PGAP1: variants seen among roughly 807,000 people sequenced by gnomAD.
The protein encoded by PGAP1 is GPI inositol-deacylase.
In PGAP1, 76 loss-of-function variants were observed where a neutral mutation model predicts 127.0. The ratio of observed to expected loss-of-function variants is 0.60; its 90% CI spans 0.50 to 0.72. The LOEUF (loss-of-function observed/expected upper bound fraction) is 0.72. Among genes scored for constraint, PGAP1 ranks in the 30% least tolerant of loss-of-function variants. PGAP1 has a pLI of 0.00. For synonymous variants in PGAP1, 362 were observed against 366.5 expected (o/e 0.99, Z 0.14); for missense variants, 982 against 1,071.3 (o/e 0.92, Z 1.16).
chr2:196,912,803 T>C, intron 4 of PGAP1, 79 bp downstream of exon 4: 4 of 1,350,842 alleles, frequency 3.0e-6, no homozygotes, highest in Non-Finnish European at 4.0e-6. Context: ...AGCATACTCC[T>C]AGGGGAATAG....
chr2:196,865,107 A>G, intron 19 of PGAP1, 27 bp from the exon 20 acceptor site: 1 of 1,244,334 alleles, frequency 8.0e-7, no homozygotes, highest in East Asian at 2.5e-5. Flanking sequence ...TCAATGGGCA[A>G]CTCCTGAATA....
intron 5 of PGAP1, 150 bp from the exon 6 acceptor site, chr2:196,898,519 AG>A (rs1253058099): frequency 5.5e-6 from 3 of 542,912 alleles, no homozygotes; most frequent in Non-Finnish European, 9.8e-6. Flanking sequence ...TTCTTATAAA[AG>A]GTGATCCAAA....
chr2:196,917,885 T>C (rs1385468415), intron 2 of PGAP1, among the ~76,000 whole-genome samples: 1 of 152,152 alleles, frequency 6.6e-6, no homozygotes, highest in Non-Finnish European at 1.5e-5. Flanking sequence ...GAGAGCTCTA[T>C]GTTCAATATT....
At chr2:196,909,932 C>G (rs1702780938) in intron 4 of PGAP1, among the ~76,000 whole-genome samples, 1 of 3,132 alleles carries the variant, frequency 3.2e-4, no homozygotes, top group Non-Finnish European at 4.8e-4. Flanking sequence ...GAACTACAAA[C>G]CACTGCTCAA....
rs140027910 is a variant in PGAP1, at chr2:196,862,843, G to A, written c.1861+2144C>T. ...TGAGGCAGGAGAATCTCTTGAACCCGGGAGGTGGAGGTTGTGGTGAGCTGA... is the reference window on the plus strand; with the variant it reads ...TGAGGCAGGAGAATCTCTTGAACCCAGGAGGTGGAGGTTGTGGTGAGCTGA... On this transcript the variant is annotated intron_variant, in intron 20 of 26. Transcript: ENST00000354764. Among the ~76,000 whole-genome samples the A allele has an allele frequency of 5.3e-5, 8 of 152,236 alleles. 1 individual carries two copies. The highest frequency in any genetic ancestry group is 1.2e-4 in the African/African-American group (5 of 41,544).
In PGAP1 at chr2:196,841,333, C is replaced by A. The variant is rs1700406542; in HGVS notation, c.2670G>T (p.Leu890=). The change falls in exon 27 of 27, where the codon CTG becomes CTT. Residue 890 remains leucine (L), a synonymous_variant. Coordinates refer to ENST00000354764, the MANE Select transcript of PGAP1 (RefSeq NM_024989.4). ...ACCCAAAAGCAATCACACCAACAGC[C>A]AGAGGAAGTGGAAATTGTGAAGTAG... The part of the protein sequence containing the change: ...LKTTSQFPLP[L]AVGVIAFGSA... 2 of 1,613,556 alleles carry A rather than the reference C, an allele frequency of 1.2e-6. No individual in the cohort carries two copies. Among genetic ancestry groups the A allele is most frequent in the Non-Finnish European group, 1.7e-6 (2 of 1,179,666 alleles).
chr2:196,916,693 G>T lies in PGAP1; in HGVS notation c.302-100C>A, dbSNP rs368783875. 4.3e-6 allele frequency: 5 copies of T among 1,151,036 alleles called. No homozygotes were observed. In the African/African-American group the frequency reaches 6.4e-5, roughly 15 times the overall value. 71.3% of individuals were successfully genotyped at this position (1,151,036 alleles called of 1,614,324 possible). On this transcript the variant is annotated intron_variant, in intron 2 of 26. Coordinates refer to ENST00000354764, the MANE Select transcript of PGAP1 (RefSeq NM_024989.4). ...AGTAAATAACCTTATCCTGCATCACGAATATAAACCACCTATTTCAGGATG... is the reference window on the plus strand; with the variant it reads ...AGTAAATAACCTTATCCTGCATCACTAATATAAACCACCTATTTCAGGATG...
At chr2:196,899,236 T>C (rs1245701778) in intron 5 of PGAP1, among the ~76,000 whole-genome samples, 3 of 152,158 alleles carry the variant, frequency 2.0e-5, no homozygotes, top group Admixed American at 1.3e-4. Context: ...ACTAACAGCA[T>C]AGATGCAAGA....
intron 17 of PGAP1, 110 bp from the exon 18 acceptor site, chr2:196,872,659 G>T: frequency 1.4e-6 from 1 of 735,108 alleles, no homozygotes. Context: ...GAAGCTAGGT[G>T]CCAGACACAT....
intron 2 of PGAP1, among the ~76,000 whole-genome samples, chr2:196,917,230 T>C (rs1703043802): frequency 6.6e-6 from 1 of 152,192 alleles, no homozygotes; most frequent in African/African-American, 2.4e-5. Context: ...AAAAAATATA[T>C]TATAAATTGC....
intron 12 of PGAP1, 91 bp downstream of exon 12, chr2:196,885,333 A>T: frequency 1.2e-6 from 1 of 823,878 alleles, no homozygotes; most frequent in Non-Finnish European, 1.9e-6. Flanking sequence ...TTTAATACCA[A>T]GATAAGCTAA....
At chr2:196,903,431 C>T (rs908421145) in intron 4 of PGAP1, among the ~76,000 whole-genome samples, 6 of 151,280 alleles carry the variant, frequency 4.0e-5, no homozygotes, top group African/African-American at 9.7e-5. Context: ...CATGGTGGTG[C>T]GCACCTGTAG....
At chr2:196,864,252 T>C (rs561758551) in intron 20 of PGAP1, among the ~76,000 whole-genome samples, 265 of 151,846 alleles carry the variant, frequency 1.7e-3, no homozygotes, top group Middle Eastern at 3.4e-3. Flanking sequence ...TAGCCGGACA[T>C]GGTTGCGGGT....
rs1215935343 is a variant in PGAP1 at position 196,834,935 on chromosome 2, T to C, written c.*6299A>G. The C allele has an allele frequency of 6.6e-6, 1 of 151,966 alleles. No homozygotes were observed. Among genetic ancestry groups the C allele is most frequent in the African/African-American group, 2.4e-5 (1 of 41,446 alleles). 9.4% of individuals were successfully genotyped at this position (151,966 alleles called of 1,614,324 possible). On this transcript the variant is annotated 3_prime_UTR_variant, in exon 27 of 27. Transcript: ENST00000354764. Reference sequence around the variant, plus strand: ...ACTGTCACTAAATCAAGGCCAGAGATTTCGATATTTGGCTTTCTGTCCTGC... The same window carrying C: ...ACTGTCACTAAATCAAGGCCAGAGACTTCGATATTTGGCTTTCTGTCCTGC...
chr2:196,845,780 A>G, intron 23 of PGAP1, 102 bp downstream of exon 23: 1 of 908,248 alleles, frequency 1.1e-6, no homozygotes, highest in Non-Finnish European at 1.6e-6. Context: ...GAGGGTTACT[A>G]CAGTGTTTAT....
chr2:196,846,845 T>G (rs1240761922), intron 22 of PGAP1, among the ~76,000 whole-genome samples, 158 bp downstream of exon 22: 2 of 152,226 alleles, frequency 1.3e-5, no homozygotes, highest in Non-Finnish European at 2.9e-5. Context: ...AATGATTAGC[T>G]TTCACAGACA....
In PGAP1 at chr2:196,920,015, C is replaced by A. The variant is rs1223338880; in HGVS notation, c.283G>T (p.Ala95Ser). ...GIPVLFLPGN[A>S]GSYKQVRSIG... Reference sequence around the variant, plus strand: ...GACTTACCTTGCTTATAACTTCCAGCATTACCAGGAAGAAAGAGAACTGGA... The same window carrying A: ...GACTTACCTTGCTTATAACTTCCAGAATTACCAGGAAGAAAGAGAACTGGA... The change falls in exon 2 of 27, where the codon GCT (alanine) becomes TCT (serine). Residue 95 changes from alanine (A) to serine (S), a missense_variant. Coordinates refer to ENST00000354764, the MANE Select transcript of PGAP1 (RefSeq NM_024989.4). The A allele has an allele frequency of 6.2e-7, 1 of 1,610,030 alleles. No homozygotes were observed. Among genetic ancestry groups the A allele is most frequent in the Non-Finnish European group, 8.5e-7 (1 of 1,178,650 alleles).
At chr2:196,880,213 AAAAT>A (rs1322818135) in intron 12 of PGAP1, 60 bp from the exon 13 acceptor site, 5 of 1,025,038 alleles carry the variant, frequency 4.9e-6, no homozygotes, top group African/African-American at 1.9e-5. Context: ...TGTTTAAAGA[AAAAT>A]AAATAACACT....
At chr2:196,904,647 G>C (rs1702628734) in intron 4 of PGAP1, among the ~76,000 whole-genome samples, 1 of 152,074 alleles carries the variant, frequency 6.6e-6, no homozygotes, top group African/African-American at 2.4e-5. Flanking sequence ...AGAATCGCTT[G>C]AACCCAGGAG....
Sources: gnomAD v4.1 joint callset for allele counts (sites outside exome capture counted in the v4.1 genomes callset) on GRCh38, gnomAD v4.1.1 for gene constraint, MANE v1.5 for transcripts, NCBI Gene and HGNC (gene_info 2026-07-23, HGNC 2026-07-21) for gene names.